ZNF385D: variants seen among roughly 807,000 people sequenced by gnomAD.
ZNF385D encodes the protein zinc finger protein 659.
ZNF385D carries 15 observed loss-of-function variants against 35.8 expected under a neutral mutation model. That is an observed-to-expected ratio of 0.42 (90% CI 0.28 to 0.64). The LOEUF (loss-of-function observed/expected upper bound fraction) is 0.64, where lower values mean the gene tolerates loss of function less well. ZNF385D is among the 30% of genes least tolerant of loss of function. ZNF385D has a pLI of 0.23. For synonymous variants in ZNF385D, 212 were observed against 186.8 expected (o/e 1.13, Z -1.10); for missense variants, 474 against 494.6 (o/e 0.96, Z 0.39).
intron 1 of ZNF385D, among the ~76,000 whole-genome samples, chr3:21,687,160 G>T (rs1559519136): frequency 6.6e-6 from 1 of 152,252 alleles, no homozygotes; most frequent in East Asian, 1.9e-4. Context: ...CAGATCCACA[G>T]TCAACAGCCA....
At chr3:21,790,178 C>T (rs1478618895) in intron 3 of ZNF385D, among the ~76,000 whole-genome samples, 2 of 151,782 alleles carry the variant, frequency 1.3e-5, no homozygotes, top group Admixed American at 6.6e-5. Flanking sequence ...GAAGAAGTCT[C>T]GGGGGACAGA....
At chr3:22,082,734 A>C (rs1700819843) in intron 3 of ZNF385D, among the ~76,000 whole-genome samples, 1 of 152,208 alleles carries the variant, frequency 6.6e-6, no homozygotes, top group African/African-American at 2.4e-5. Context: ...CTCGGAGAAC[A>C]AACAGACTGC....
At chr3:21,819,188 GAAAAGAA>G (rs1358083593) in intron 3 of ZNF385D, among the ~76,000 whole-genome samples, 1 of 151,496 alleles carries the variant, frequency 6.6e-6, no homozygotes, top group East Asian at 1.9e-4. Context: ...GGCAAAAATA[GAAAAGAA>G]AAAAGAAACA....
At chr3:22,248,755 C>CATCTGTGTCGCCTTT (rs1373777550) in intron 2 of ZNF385D, among the ~76,000 whole-genome samples, 10 of 152,116 alleles carry the variant, frequency 6.6e-5, no homozygotes, top group Admixed American at 4.6e-4. Flanking sequence ...GAGTCGCCTC[C>CATCTGTGTCGCCTTT]ATCTGTGTCG....
chr3:21,681,825 G>GA (rs2066921174), intron 1 of ZNF385D, among the ~76,000 whole-genome samples: 2 of 64,946 alleles, frequency 3.1e-5, no homozygotes, highest in South Asian at 8.8e-4. Context: ...ATGAGGGAAA[G>GA]AGAGGCAAAG....
At chr3:21,984,849 T>C (rs2125380007) in intron 3 of ZNF385D, among the ~76,000 whole-genome samples, 2 of 130,798 alleles carry the variant, frequency 1.5e-5, no homozygotes, top group South Asian at 6.6e-4. Flanking sequence ...CCTTGAGCAG[T>C]GGTTTGTAGT....
intron 3 of ZNF385D, among the ~76,000 whole-genome samples, chr3:22,140,612 G>A (rs1704447565): frequency 6.6e-6 from 1 of 152,142 alleles, no homozygotes; most frequent in Non-Finnish European, 1.5e-5. Flanking sequence ...ATGTGATAAA[G>A]TACTATGGTT....
intron 2 of ZNF385D, among the ~76,000 whole-genome samples, chr3:22,256,920 G>A (rs1700346457): frequency 6.6e-6 from 1 of 151,738 alleles, no homozygotes; most frequent in South Asian, 2.1e-4. Flanking sequence ...TAAATAATTA[G>A]TTCATAAAGA....
chr3:21,792,146 A>G (rs1172673426), intron 3 of ZNF385D, among the ~76,000 whole-genome samples: 1 of 152,212 alleles, frequency 6.6e-6, no homozygotes, highest in Non-Finnish European at 1.5e-5. Flanking sequence ...TGTTTTGAGC[A>G]ATTAGTTTTT....
At chr3:21,883,757 G>A (rs1048269968) in intron 3 of ZNF385D, among the ~76,000 whole-genome samples, 1 of 151,982 alleles carries the variant, frequency 6.6e-6, no homozygotes, top group African/African-American at 2.4e-5. Flanking sequence ...CACATATAAG[G>A]CTAGAATTTA....
rs139365016 is a variant in ZNF385D, at chr3:22,078,069, T to C, written c.325+90748A>G. Among the ~76,000 whole-genome samples the C allele has an allele frequency of 3.1e-3, 473 of 152,178 alleles. 5 individuals are homozygous for C. The highest frequency in any genetic ancestry group is 0.011 in the African/African-American group (459 of 41,574). On this transcript the variant is annotated intron_variant, in intron 3 of 5. Coordinates refer to the ZNF385D transcript ENST00000494108. ...ATCTATCTTAAATATGCCTGAAATT[T>C]GTGAGTACCATTTTAGTTTCCCCGG...
intron 3 of ZNF385D, among the ~76,000 whole-genome samples, chr3:21,760,862 G>C (rs893368666): frequency 6.6e-6 from 1 of 152,128 alleles, no homozygotes; most frequent in Non-Finnish European, 1.5e-5. Flanking sequence ...GGTTTAATGT[G>C]TGTGTATTTT....
intron 2 of ZNF385D, among the ~76,000 whole-genome samples, chr3:21,622,601 C>G (rs1380643970): frequency 6.6e-6 from 1 of 152,046 alleles, no homozygotes; most frequent in Non-Finnish European, 1.5e-5. Context: ...AAAGGCTTCA[C>G]GTAATATTAC....
chr3:22,359,065 C>CA lies in ZNF385D; in HGVS notation c.106+13384dup, dbSNP rs201862280. ...GTATTAAAACAAACAAACAAACAAA[C>CA]AAAAAAACCAAAAAAAAAAACAAAA... On this transcript the variant is annotated intron_variant, in intron 2 of 5. Coordinates refer to the ZNF385D transcript ENST00000494108. Among the ~76,000 whole-genome samples the CA allele has an allele frequency of 6.2e-3, 714 of 115,204 alleles. 1 individual carries two copies. Among genetic ancestry groups the CA allele is most frequent in the Middle Eastern group, 0.022 (5 of 232 alleles). 75.6% of individuals were successfully genotyped at this position (115,204 alleles called of 152,430 possible). A position where few individuals can be genotyped will look rare whatever the true frequency, so the allele number is the denominator to read the frequency against.
intron 2 of ZNF385D, among the ~76,000 whole-genome samples, chr3:22,220,505 G>T (rs561780134): frequency 1.4e-4 from 22 of 152,238 alleles, no homozygotes; most frequent in African/African-American, 5.3e-4. Flanking sequence ...ATTTCCCACA[G>T]GGCAAAAGTC....
intron 7 of ZNF385D, among the ~76,000 whole-genome samples, chr3:21,422,371 T>C (rs1700782849): frequency 6.6e-6 from 1 of 152,204 alleles, no homozygotes; most frequent in Admixed American, 6.5e-5. Flanking sequence ...TTTTAAACTT[T>C]TATTTTAAGT....
In ZNF385D at chr3:21,416,467, C is replaced by T. The variant is rs927043134; in HGVS notation, c.*4747G>A. The T allele has an allele frequency of 6.6e-6, 1 of 152,114 alleles. No homozygotes were observed. The highest frequency in any genetic ancestry group is 1.5e-5 in the Non-Finnish European group (1 of 68,018). 9.4% of individuals were successfully genotyped at this position (152,114 alleles called of 1,614,324 possible). On this transcript the variant is annotated 3_prime_UTR_variant, in exon 8 of 8. Transcript: ENST00000281523. ...AAATGAGCATGACATGTCAACCTAT[C>T]CGTCTTTCACTGGACACCCTGATAC... is the stretch of plus-strand genomic sequence containing the variant.
At chr3:22,282,075 G>A (rs1701775676) in intron 2 of ZNF385D, among the ~76,000 whole-genome samples, 1 of 151,914 alleles carries the variant, frequency 6.6e-6, no homozygotes, top group Non-Finnish European at 1.5e-5. Context: ...TTGTATTTCT[G>A]TGTTATCAGT....
intron 3 of ZNF385D, among the ~76,000 whole-genome samples, chr3:22,052,995 G>A (rs1487535558): frequency 1.3e-5 from 1 of 78,222 alleles, no homozygotes; most frequent in African/African-American, 4.9e-5. Context: ...TACAGAGGCA[G>A]TCAGGCCTCC....
Sources: gnomAD v4.1 joint callset for allele counts (sites outside exome capture counted in the v4.1 genomes callset) on GRCh38, gnomAD v4.1.1 for gene constraint, MANE v1.5 for transcripts, NCBI Gene and HGNC (gene_info 2026-07-23, HGNC 2026-07-21) for gene names.